RBFOX1: variants seen among roughly 807,000 people sequenced by gnomAD.
The protein encoded by RBFOX1 is RNA binding fox-1 homolog 1.
A neutral mutation model predicts 57.7 loss-of-function variants in RBFOX1; 8 were observed. The observed-to-expected ratio is 0.14, with a 90% CI of 0.08 to 0.25. RBFOX1 has a LOEUF of 0.25. Ranked by LOEUF, RBFOX1 falls within the 10% of genes least tolerant of loss-of-function variation. The probability of loss-of-function intolerance (pLI) is 1.00; values close to 1 mark genes in which losing one functional copy is unlikely to be tolerated. For synonymous variants in RBFOX1, 326 were observed against 222.4 expected, an observed-to-expected ratio of 1.47 and a Z score of -4.15; for missense variants, 611 against 548.5, an observed-to-expected ratio of 1.11 and a Z score of -1.14.
upstream of RBFOX1, among the ~76,000 whole-genome samples, chr16:6,014,888 C>G (rs1457887087): frequency 3.3e-5 from 5 of 150,016 alleles, no homozygotes; most frequent in African/African-American, 1.2e-4. Flanking sequence ...CCAAGTCTCA[C>G]TCTTTTGCCC....
In RBFOX1 at chr16:5,333,166, C is replaced by T. The variant is rs369876343; in HGVS notation, c.219+93061C>T. ...TCATGCTACTGCACTCCAGCCTGGG[C>T]GAAAGAGCAAGACTCCATCTCAAAA... is the stretch of plus-strand genomic sequence containing the variant. On this transcript the variant is annotated intron_variant, in intron 1 of 2. Coordinates refer to the RBFOX1 transcript ENST00000585867. Among the ~76,000 whole-genome samples the T allele has an allele frequency of 9.4e-4, 136 of 144,074 alleles. 2 individuals are homozygous for T. In the East Asian group the frequency reaches 0.022, roughly 23 times the overall value. The allele number at this position is 144,074 out of a possible 152,430, so 94.5% of individuals were successfully genotyped here.
chr16:6,779,243 C>T (rs1055832323), intron 3 of RBFOX1, among the ~76,000 whole-genome samples: 14 of 151,928 alleles, frequency 9.2e-5, no homozygotes, highest in East Asian at 3.9e-4. Context: ...TTTTAGCTCC[C>T]GCATTTGTAT....
At chr16:7,228,319 T>G (rs543818249) in intron 4 of RBFOX1, among the ~76,000 whole-genome samples, 2 of 152,282 alleles carry the variant, frequency 1.3e-5, no homozygotes, top group South Asian at 4.2e-4. Context: ...TATTCACATA[T>G]TAGGAGGAAA....
At chr16:5,619,212 T>C (rs574874552) in intron 3 of RBFOX1, among the ~76,000 whole-genome samples, 1 of 152,258 alleles carries the variant, frequency 6.6e-6, no homozygotes, top group East Asian at 1.9e-4. Context: ...TTGGCCCCAC[T>C]CTCTTCCCAC....
intron 4 of RBFOX1, among the ~76,000 whole-genome samples, chr16:7,054,213 CG>C (rs71147642): frequency 0.55 from 9,775 of 17,760 alleles, 2,496 homozygotes; most frequent in South Asian, 0.7. Flanking sequence ...TTTTTTTTTT[CG>C]GGGGGGGGGG....
At chr16:7,413,610 C>G (rs187851967) in intron 4 of RBFOX1, among the ~76,000 whole-genome samples, 155 of 152,196 alleles carry the variant, frequency 1.0e-3, no homozygotes, top group Admixed American at 2.9e-3. Context: ...CTGCCTGCCC[C>G]TTTGCTTGTC....
chr16:7,102,270 G>C (rs1273755567), intron 4 of RBFOX1, among the ~76,000 whole-genome samples: 1 of 152,132 alleles, frequency 6.6e-6, no homozygotes, highest in African/African-American at 2.4e-5. Flanking sequence ...CCTTTGTATA[G>C]GAACTCCATT....
At chr16:5,723,698 G>T (rs1256497978) in intron 3 of RBFOX1, among the ~76,000 whole-genome samples, 1 of 152,132 alleles carries the variant, frequency 6.6e-6, no homozygotes, top group Non-Finnish European at 1.5e-5. Context: ...TTAAACAGTG[G>T]CAGTCTCAGG....
At chr16:5,259,836 A>G (rs544309780) in intron 1 of RBFOX1, among the ~76,000 whole-genome samples, 65 of 152,008 alleles carry the variant, frequency 4.3e-4, no homozygotes, top group African/African-American at 1.5e-3. Context: ...TCAAGTTTTC[A>G]CTCCTGTTTA....
intron 1 of RBFOX1, among the ~76,000 whole-genome samples, chr16:5,298,342 A>T (rs574741539): frequency 6.6e-6 from 1 of 152,258 alleles, no homozygotes; most frequent in South Asian, 2.1e-4. Context: ...TAATAGTAAG[A>T]TTAAATCTTG....
At chr16:7,240,311 C>T (rs539415762) in intron 4 of RBFOX1, among the ~76,000 whole-genome samples, 1 of 152,066 alleles carries the variant, frequency 6.6e-6, no homozygotes, top group Non-Finnish European at 1.5e-5. Context: ...GTTTACGGAG[C>T]AGTGTTCATC....
intron 4 of RBFOX1, among the ~76,000 whole-genome samples, chr16:7,244,144 A>C (rs1440822528): frequency 2.0e-5 from 3 of 151,864 alleles, no homozygotes; most frequent in African/African-American, 7.3e-5. Context: ...ATTGTCATCA[A>C]AGGGTAACTC....
At chr16:6,636,227 G>C (rs2098431771) in intron 2 of RBFOX1, among the ~76,000 whole-genome samples, 1 of 152,140 alleles carries the variant, frequency 6.6e-6, no homozygotes, top group Non-Finnish European at 1.5e-5. Context: ...CTGGAGTGCA[G>C]AGGCACGATC....
chr16:7,572,440 G>A (rs1478905196), intron 5 of RBFOX1, among the ~76,000 whole-genome samples: 1 of 152,124 alleles, frequency 6.6e-6, no homozygotes, highest in Non-Finnish European at 1.5e-5. Context: ...TTGAATCCCA[G>A]GAGATATTTT....
intron 1 of RBFOX1, among the ~76,000 whole-genome samples, chr16:5,424,994 T>TTC (rs1555514917): frequency 8.9e-5 from 8 of 89,634 alleles, no homozygotes; most frequent in Non-Finnish European, 1.4e-4. Context: ...TTTTCTTTTC[T>TTC]TTTCTTTTCT....
At chr16:5,987,553 G>A (rs2060306890) in intron 4 of RBFOX1, among the ~76,000 whole-genome samples, 1 of 152,030 alleles carries the variant, frequency 6.6e-6, no homozygotes, top group Non-Finnish European at 1.5e-5. Flanking sequence ...TCATAAGCGG[G>A]GCACAGGGGC....
chr16:7,133,141 A>G (rs900919812), intron 4 of RBFOX1, among the ~76,000 whole-genome samples: 3 of 152,200 alleles, frequency 2.0e-5, no homozygotes, highest in Non-Finnish European at 2.9e-5. Flanking sequence ...TAATACCAAG[A>G]TCCATGACCT....
intron 3 of RBFOX1, among the ~76,000 whole-genome samples, chr16:6,762,188 G>A (rs571703109): frequency 4.0e-4 from 61 of 151,376 alleles, no homozygotes; most frequent in Admixed American, 3.1e-3. Context: ...ATTCCATAGG[G>A]TTATAATTAG....
intron 1 of RBFOX1, among the ~76,000 whole-genome samples, chr16:5,355,986 G>C (rs982927782): frequency 6.6e-6 from 1 of 152,178 alleles, no homozygotes; most frequent in African/African-American, 2.4e-5. Context: ...AGCTACTCAG[G>C]AGGCTGTGAC....
Sources: allele counts gnomAD v4.1 joint callset (sites outside exome capture counted in the v4.1 genomes callset), GRCh38; gene constraint gnomAD v4.1.1; transcripts MANE v1.5; gene names NCBI Gene and HGNC (gene_info 2026-07-23, HGNC 2026-07-21).